RBFOX1: variants seen among roughly 807,000 people sequenced by gnomAD.
RBFOX1 encodes the protein RNA binding protein fox-1 homolog 1.
A neutral mutation model predicts 57.7 loss-of-function variants in RBFOX1; 8 were observed. That is an observed-to-expected ratio of 0.14 (90% CI 0.08 to 0.25). RBFOX1 has a LOEUF of 0.25. Among genes scored for constraint, RBFOX1 ranks in the 10% least tolerant of loss-of-function variants. RBFOX1 has a pLI of 1.00. For synonymous variants in RBFOX1, 326 were observed against 222.4 expected, an observed-to-expected ratio of 1.47 and a Z score of -4.15; for missense variants, 611 against 548.5, an observed-to-expected ratio of 1.11 and a Z score of -1.14.
intron 1 of RBFOX1, among the ~76,000 whole-genome samples, chr16:6,092,043 C>T (rs1191296727): frequency 2.0e-5 from 3 of 152,168 alleles, no homozygotes; most frequent in Admixed American, 6.5e-5. Flanking sequence ...ATCCATCCGT[C>T]CTCCTTGAAG....
intron 1 of RBFOX1, among the ~76,000 whole-genome samples, chr16:6,030,273 C>G (rs1263687691): frequency 2.0e-5 from 3 of 152,148 alleles, no homozygotes; most frequent in African/African-American, 7.2e-5. Context: ...GCTTTGGTTT[C>G]AGGATCAGAA....
intron 4 of RBFOX1, among the ~76,000 whole-genome samples, chr16:7,108,943 G>A (rs978814157): frequency 3.3e-5 from 5 of 152,262 alleles, no homozygotes; most frequent in South Asian, 2.1e-4. Context: ...CAGACATATG[G>A]TCAAGGAGGA....
intron 3 of RBFOX1, among the ~76,000 whole-genome samples, chr16:6,986,444 C>T (rs948971740): frequency 5.3e-5 from 8 of 152,034 alleles, no homozygotes; most frequent in African/African-American, 1.4e-4. Context: ...AGTGATCCCC[C>T]TGCCTCAGCC....
chr16:6,054,460 C>G (rs1474711582), intron 1 of RBFOX1, among the ~76,000 whole-genome samples: 1 of 152,132 alleles, frequency 6.6e-6, no homozygotes, highest in East Asian at 1.9e-4. Context: ...CTGTCTTTCC[C>G]ACTTGACAGA....
At chr16:6,207,282 A>G (rs1195200515) in intron 1 of RBFOX1, among the ~76,000 whole-genome samples, 3 of 152,156 alleles carry the variant, frequency 2.0e-5, no homozygotes, top group African/African-American at 7.2e-5. Flanking sequence ...TTTATCTTTT[A>G]TCTCCAAAGA....
At chr16:5,956,795 G>T (rs1475685288) in intron 4 of RBFOX1, among the ~76,000 whole-genome samples, 1 of 149,218 alleles carries the variant, frequency 6.7e-6, no homozygotes, top group Non-Finnish European at 1.5e-5. Context: ...TCAACTTCCT[G>T]TGTATATGGG....
In RBFOX1 at chr16:6,682,564, G is replaced by A. The variant is rs572901163; in HGVS notation, c.-16+27914G>A. ...ACTGGACCGGTGCATGCTTTGCTGC[G>A]GAGAGTGTCCTGTGCATTGTGGGTG... On this transcript the variant is annotated intron_variant, in intron 3 of 15. Transcript: ENST00000550418. Among the ~76,000 whole-genome samples, 6 of 152,104 alleles carry A rather than the reference G, an allele frequency of 3.9e-5. No individual in the cohort carries two copies. The South Asian group carries it at 6.3e-4, about 16-fold the overall frequency.
At chr16:5,454,210 A>G (rs982086998) in intron 1 of RBFOX1, among the ~76,000 whole-genome samples, 2 of 152,196 alleles carry the variant, frequency 1.3e-5, no homozygotes, top group Non-Finnish European at 2.9e-5. Flanking sequence ...AGGTACAGAG[A>G]TCTCTGGCCG....
intron 11 of RBFOX1, among the ~76,000 whole-genome samples, chr16:7,652,435 T>C (rs1597348675): frequency 6.6e-6 from 1 of 152,304 alleles, no homozygotes; most frequent in Admixed American, 6.5e-5. Context: ...TGAGAAAAAG[T>C]CTTGCTGTGT....
At chr16:7,297,366 G>T (rs187531721) in intron 4 of RBFOX1, among the ~76,000 whole-genome samples, 1 of 152,252 alleles carries the variant, frequency 6.6e-6, no homozygotes, top group African/African-American at 2.4e-5. Flanking sequence ...TTCCAACCTG[G>T]CAGTCTGTTT....
At chr16:7,550,923 A>T in intron 5 of RBFOX1, among the ~76,000 whole-genome samples, 1 of 151,796 alleles carries the variant, frequency 6.6e-6, no homozygotes, top group Non-Finnish European at 1.5e-5. Flanking sequence ...GTGAAACCCC[A>T]GTTCTACTAA....
intron 1 of RBFOX1, among the ~76,000 whole-genome samples, chr16:6,035,129 C>T (rs1481657509): frequency 6.6e-6 from 1 of 152,200 alleles, no homozygotes; most frequent in Admixed American, 6.5e-5. Context: ...CCCCCTTCAC[C>T]CATCCATGAC....
rs545403669 is a variant in RBFOX1 at position 5,892,194 on chromosome 16, G to C, written c.351+24859G>C. Among the ~76,000 whole-genome samples the C allele has an allele frequency of 1.3e-4, 20 of 152,258 alleles. No individual in the cohort carries two copies. In the East Asian group the frequency reaches 3.9e-3, roughly 29 times the overall value. ...AAAAGCAGGACAGAGAGAGGGGCTG[G>C]CAGTGCTAGGTACACAGCAGCGTGA... On this transcript the variant is annotated intron_variant, in intron 4 of 19. Coordinates refer to the RBFOX1 transcript ENST00000641259.
At chr16:6,567,232 A>G (rs570250340) in intron 2 of RBFOX1, among the ~76,000 whole-genome samples, 3 of 152,142 alleles carry the variant, frequency 2.0e-5, no homozygotes, top group African/African-American at 2.4e-5. Flanking sequence ...GCAGCTTCCT[A>G]ATCTCCAAAT....
At chr16:5,968,010 C>T (rs1298289399) in intron 4 of RBFOX1, among the ~76,000 whole-genome samples, 1 of 152,162 alleles carries the variant, frequency 6.6e-6, no homozygotes, top group Non-Finnish European at 1.5e-5. Context: ...CTTAGTTCTA[C>T]AAATAACCAT....
intron 3 of RBFOX1, among the ~76,000 whole-genome samples, chr16:6,890,562 T>C (rs1489480779): frequency 6.6e-6 from 1 of 152,086 alleles, no homozygotes; most frequent in African/African-American, 2.4e-5. Flanking sequence ...TTTGAATGGG[T>C]TGTGAGGATG....
intron 2 of RBFOX1, among the ~76,000 whole-genome samples, chr16:5,516,271 C>G (rs752767180): frequency 1.2e-4 from 19 of 152,082 alleles, no homozygotes; most frequent in Non-Finnish European, 2.4e-4. Context: ...CCATTATTTC[C>G]TATCTTCCAT....
chr16:7,323,574 G>A (rs1453114025), intron 4 of RBFOX1, among the ~76,000 whole-genome samples: 1 of 152,268 alleles, frequency 6.6e-6, no homozygotes, highest in Non-Finnish European at 1.5e-5. Flanking sequence ...CATGGGGATA[G>A]CTCTGTGTTT....
chr16:6,722,700 C>A (rs899492227), intron 3 of RBFOX1, among the ~76,000 whole-genome samples: 1 of 152,160 alleles, frequency 6.6e-6, no homozygotes, highest in African/African-American at 2.4e-5. Flanking sequence ...GTTGCACAAC[C>A]CATAATTAAA....
Sources: gnomAD v4.1 joint callset for allele counts (sites outside exome capture counted in the v4.1 genomes callset) on GRCh38, gnomAD v4.1.1 for gene constraint, MANE v1.5 for transcripts, NCBI Gene and HGNC (gene_info 2026-07-23, HGNC 2026-07-21) for gene names.